The following AGAP1 variants were observed in gnomAD, a reference collection of about 807,000 sequenced individuals.
AGAP1 encodes arf-GAP with GTPase, ANK repeat and PH domain-containing protein 1.
A neutral mutation model predicts 105.3 loss-of-function variants in AGAP1; 29 were observed. The observed-to-expected ratio is 0.28, with a 90% CI of 0.21 to 0.38. AGAP1 has a LOEUF of 0.38. Among genes scored for constraint, AGAP1 ranks in the 10% least tolerant of loss-of-function variants. The pLI is 1.00. For synonymous variants in AGAP1, 509 were observed against 485.9 expected, an observed-to-expected ratio of 1.05 and a Z score of -0.63; for missense variants, 998 against 1,165.1, an observed-to-expected ratio of 0.86 and a Z score of 2.09.
At chr2:235,917,667 C>T (rs1242217762) in intron 11 of AGAP1, among the ~76,000 whole-genome samples, 2 of 152,066 alleles carry the variant, frequency 1.3e-5, no homozygotes, top group African/African-American at 2.4e-5. Context: ...AATGAGGCAC[C>T]GGCGGCTCTG....
chr2:235,588,696 T>G (rs1574911773), intron 1 of AGAP1, among the ~76,000 whole-genome samples: 1 of 152,198 alleles, frequency 6.6e-6, no homozygotes, highest in East Asian at 1.9e-4. Context: ...ATGGTTATCT[T>G]TCTGTTCCTT....
rs558044805 is a variant in AGAP1, at chr2:236,057,135, GTCTC to G, written c.2114+7860_2114+7863del. Among the ~76,000 whole-genome samples the G allele has an allele frequency of 3.9e-3, 600 of 152,126 alleles. 5 individuals carry two copies. Among genetic ancestry groups the G allele is most frequent in the African/African-American group, 0.014 (582 of 41,506 alleles). On this transcript the variant is annotated intron_variant, in intron 16 of 17. Coordinates refer to ENST00000304032, the MANE Select transcript of AGAP1 (RefSeq NM_001037131.3). ...TAGCTGACCTGACTTTTTTGGTGGC[GTCTC>G]TCTCTGTCGCCCAGGCTAGAGTGCA...
chr2:236,068,677 G>A (rs966233746), intron 16 of AGAP1, among the ~76,000 whole-genome samples: 1 of 148,762 alleles, frequency 6.7e-6, no homozygotes, highest in Non-Finnish European at 1.5e-5. Flanking sequence ...GCGGGCGCCT[G>A]TAGTCCCAGC....
At chr2:235,745,990 G>A (rs1490174495) in intron 5 of AGAP1, among the ~76,000 whole-genome samples, 1 of 152,188 alleles carries the variant, frequency 6.6e-6, no homozygotes. Flanking sequence ...GCCAGGCATG[G>A]TGGTGCATGC....
chr2:235,551,883 G>A lies in AGAP1; in HGVS notation c.163+57034G>A, dbSNP rs747156235. The stretch of plus-strand genomic sequence containing the variant: ...AGGAGCTTCTAGTGATGCTGGAGGC[G>A]GCCACTGCTGTCTTTCAGCTGTGAG... On this transcript the variant is annotated intron_variant, in intron 1 of 17. Coordinates refer to ENST00000304032, the MANE Select transcript of AGAP1 (RefSeq NM_001037131.3). This position sits in a 1 kb window ranked among gnomAD's most constrained non-coding sequence, Gnocchi z 4.8. 2.0e-5 allele frequency among the ~76,000 whole-genome samples: 3 copies of A among 152,184 alleles called. No homozygotes were observed. Among genetic ancestry groups the A allele is most frequent in the East Asian group, 1.9e-4 (1 of 5,198 alleles).
At chr2:235,840,352 G>A (rs1000368706) in intron 9 of AGAP1, among the ~76,000 whole-genome samples, 3 of 152,208 alleles carry the variant, frequency 2.0e-5, no homozygotes, top group Admixed American at 6.5e-5. Context: ...GACATAACAC[G>A]GCGACATTTA....
chr2:235,784,749 AT>A (rs1220545918), intron 6 of AGAP1, among the ~76,000 whole-genome samples: 8 of 152,306 alleles, frequency 5.3e-5, no homozygotes, highest in Non-Finnish European at 7.3e-5. Flanking sequence ...GGACCCTCAA[AT>A]TCATCATGCA....
intron 13 of AGAP1, among the ~76,000 whole-genome samples, chr2:236,025,209 A>C (rs1258790605): frequency 6.6e-6 from 1 of 152,080 alleles, no homozygotes; most frequent in Non-Finnish European, 1.5e-5. Flanking sequence ...AAATGACACC[A>C]CTAAAAGTGA....
chr2:236,049,640 C>T (rs762802524), intron 16 of AGAP1: 14 of 165,276 alleles, frequency 8.5e-5, no homozygotes, highest in Non-Finnish European at 1.7e-4. Context: ...TTTTGTTATT[C>T]TTATAGCTTG....
chr2:236,037,618 G>A (rs1433905901), intron 14 of AGAP1, among the ~76,000 whole-genome samples: 1 of 152,080 alleles, frequency 6.6e-6, no homozygotes, highest in African/African-American at 2.4e-5. Flanking sequence ...ACGTTGCCCA[G>A]GCTGGTCTCA....
At chr2:236,064,818 A>T (rs578099654) in intron 16 of AGAP1, among the ~76,000 whole-genome samples, 1 of 152,240 alleles carries the variant, frequency 6.6e-6, no homozygotes, top group African/African-American at 2.4e-5. Context: ...AGAAAGAGGA[A>T]TATGTTTTCA....
chr2:235,640,334 C>T (rs1472941765), intron 1 of AGAP1, among the ~76,000 whole-genome samples: 1 of 152,208 alleles, frequency 6.6e-6, no homozygotes, highest in Non-Finnish European at 1.5e-5. Context: ...TGGCCTCAGG[C>T]CAGGAGAAAA....
At chr2:235,672,635 A>C (rs1459128570) in intron 1 of AGAP1, among the ~76,000 whole-genome samples, 1 of 152,236 alleles carries the variant, frequency 6.6e-6, no homozygotes, top group African/African-American at 2.4e-5. Flanking sequence ...TAAGACCTGA[A>C]GGTCTCAGTT....
intron 1 of AGAP1, among the ~76,000 whole-genome samples, chr2:235,564,617 TG>T (rs1287922777): frequency 2.1e-5 from 3 of 142,530 alleles, no homozygotes; most frequent in African/African-American, 8.0e-5. Context: ...GGTGTGAGCC[TG>T]GACCACCACC....
intron 13 of AGAP1, among the ~76,000 whole-genome samples, chr2:235,999,871 C>T (rs2056037531): frequency 6.6e-6 from 1 of 152,032 alleles, no homozygotes; most frequent in Admixed American, 6.6e-5. Context: ...GACTTCCATT[C>T]ATTAAACTTG....
intron 1 of AGAP1, among the ~76,000 whole-genome samples, chr2:235,512,376 T>A (rs112865989): frequency 0.034 from 5,119 of 152,214 alleles, 116 homozygotes; most frequent in Middle Eastern, 0.16. Flanking sequence ...GTGGGAGGAT[T>A]GCTTGAAGCT....
chr2:236,063,087 T>G (rs1362979550), intron 16 of AGAP1, among the ~76,000 whole-genome samples: 1 of 152,132 alleles, frequency 6.6e-6, no homozygotes, highest in Non-Finnish European at 1.5e-5. Context: ...TGCGCCCCGC[T>G]GTACTCAGGA....
intron 16 of AGAP1, among the ~76,000 whole-genome samples, chr2:236,057,483 G>A (rs1350699438): frequency 1.3e-5 from 2 of 152,126 alleles, no homozygotes; most frequent in East Asian, 1.9e-4. Flanking sequence ...AATCCTAAGA[G>A]CTTCCACAGA....
At chr2:235,670,328 GA>G in intron 1 of AGAP1, 1 of 483,018 alleles carries the variant, frequency 2.1e-6, no homozygotes, top group South Asian at 3.2e-5. Flanking sequence ...CGAGGAGGCG[GA>G]GGGCGCCGAG....
Sources: gnomAD v4.1 joint callset for allele counts (sites outside exome capture counted in the v4.1 genomes callset) on GRCh38, gnomAD v4.1.1 for gene constraint, Gnocchi (gnomAD v3.1) non-coding constraint, MANE v1.5 for transcripts, NCBI Gene and HGNC (gene_info 2026-07-23, HGNC 2026-07-21) for gene names.